CTTNBP2: variants seen among roughly 807,000 people sequenced by gnomAD.
CTTNBP2 encodes the protein cortactin binding protein 2, also known as cortactin-binding protein 2.
A neutral mutation model predicts 156.9 loss-of-function variants in CTTNBP2; 108 were observed. The ratio of observed to expected loss-of-function variants is 0.69; its 90% confidence interval spans 0.59 to 0.81. The LOEUF is 0.81. Ranked by LOEUF, CTTNBP2 falls within the 30% of genes least tolerant of loss-of-function variation. The probability of loss-of-function intolerance (pLI) is 0.00; values close to 1 mark genes in which losing one functional copy is unlikely to be tolerated. For missense variants in CTTNBP2, 1,924 were observed against 2,035.4 expected, an observed-to-expected ratio of 0.95 and a Z score of 1.05; for synonymous variants, 767 against 751.8, an observed-to-expected ratio of 1.02 and a Z score of -0.33.
chr7:117,719,695 C>A, intron 20 of CTTNBP2, 59 bp from the exon 21 acceptor site: 1 of 1,462,486 alleles, frequency 6.8e-7, no homozygotes, highest in Non-Finnish European at 9.4e-7. Context: ...ATTTGGAAAT[C>A]TAGACACTGT....
At chr7:117,748,351 T>A (rs564670437) in intron 12 of CTTNBP2, among the ~76,000 whole-genome samples, 1 of 152,352 alleles carries the variant, frequency 6.6e-6, no homozygotes, top group East Asian at 1.9e-4. Flanking sequence ...CCTTTTGATA[T>A]GCATAGTCAT....
chr7:117,738,905 T>G (rs531649119), intron 14 of CTTNBP2, among the ~76,000 whole-genome samples: 1 of 152,172 alleles, frequency 6.6e-6, no homozygotes. Flanking sequence ...AGTGACCTAA[T>G]ACATCTCACA....
intron 3 of CTTNBP2, among the ~76,000 whole-genome samples, chr7:117,795,219 T>C (rs966789131): frequency 6.6e-6 from 1 of 152,180 alleles, no homozygotes; most frequent in Non-Finnish European, 1.5e-5. Context: ...GTATATCTTA[T>C]TCACGTGGGA....
chr7:117,780,416 G>A (rs1347052081), intron 7 of CTTNBP2, 25 bp downstream of exon 7: 1 of 1,459,294 alleles, frequency 6.9e-7, no homozygotes, highest in Non-Finnish European at 9.1e-7. Flanking sequence ...TATATACAGG[G>A]GGAAAAAAAC....
chr7:117,795,318 T>C (rs1195770839), intron 3 of CTTNBP2, among the ~76,000 whole-genome samples: 1 of 152,210 alleles, frequency 6.6e-6, no homozygotes, highest in African/African-American at 2.4e-5. Flanking sequence ...AGAAGGCATA[T>C]GCAAAGTTAG....
intron 3 of CTTNBP2, among the ~76,000 whole-genome samples, chr7:117,799,961 C>G (rs535370052): frequency 6.6e-6 from 1 of 151,980 alleles, no homozygotes; most frequent in Non-Finnish European, 1.5e-5. Context: ...TCTAAGACCA[C>G]CACACTGATA....
intron 2 of CTTNBP2, among the ~76,000 whole-genome samples, chr7:117,833,917 A>G (rs1801772023): frequency 6.6e-6 from 1 of 152,244 alleles, no homozygotes; most frequent in Non-Finnish European, 1.5e-5. Flanking sequence ...CTGAAAGAAA[A>G]AAATGTTAAT....
At chr7:117,823,746 T>C (rs142841179) in intron 2 of CTTNBP2, among the ~76,000 whole-genome samples, 7 of 152,298 alleles carry the variant, frequency 4.6e-5, no homozygotes, top group Non-Finnish European at 1.0e-4. Context: ...TCACCCAGGC[T>C]GGAGTGCAAT....
At chr7:117,845,608 G>A (rs182030440) in intron 2 of CTTNBP2, among the ~76,000 whole-genome samples, 7 of 152,248 alleles carry the variant, frequency 4.6e-5, no homozygotes, top group African/African-American at 7.2e-5. Context: ...TTCTGGCTAC[G>A]CTAAATTCTA....
chr7:117,792,120 T>C lies in CTTNBP2; in HGVS notation c.1076A>G (p.Gln359Arg). The C allele has an allele frequency of 6.2e-7, 1 of 1,614,176 alleles. No homozygotes were observed. The highest frequency in any genetic ancestry group is 8.5e-7 in the Non-Finnish European group (1 of 1,180,022). ...ATMARPGIDR[Q>R]ASYGDLIGAS... is the part of the protein sequence containing the mutation. ...GCCAATCAAGTCACCATAGGAAGCC[T>C]GCCTGTCAATACCTGGTCTGGCCAT... Residue 359 changes from glutamine (Q) to arginine (R), a missense_variant, in exon 4 of 23, where the codon CAG becomes CGG. Physicochemically the swap from Gln to Arg is conservative, Grantham distance 43. Coordinates refer to ENST00000160373, the MANE Select transcript of CTTNBP2 (RefSeq NM_033427.3). This position sits in a 1 kb window ranked among gnomAD's most constrained non-coding sequence, Gnocchi z 4.2.
At chr7:117,712,514 T>A (rs1794114689) in intron 22 of CTTNBP2, 1 of 152,326 alleles carries the variant, frequency 6.6e-6, no homozygotes, top group East Asian at 1.9e-4. Context: ...TTCTGCAAAC[T>A]AACAAACATG....
intron 8 of CTTNBP2, among the ~76,000 whole-genome samples, chr7:117,776,925 T>A (rs1419780591): frequency 6.6e-6 from 1 of 152,230 alleles, no homozygotes; most frequent in Non-Finnish European, 1.5e-5. Flanking sequence ...TTCTAATATC[T>A]TATTATTGCT....
intron 2 of CTTNBP2, among the ~76,000 whole-genome samples, chr7:117,847,574 A>T (rs1584541317): frequency 6.6e-6 from 1 of 152,328 alleles, no homozygotes; most frequent in African/African-American, 2.4e-5. Flanking sequence ...ATTAGAGAAA[A>T]TAACTAGCCA....
intron 3 of CTTNBP2, among the ~76,000 whole-genome samples, chr7:117,799,815 T>C (rs1001635239): frequency 6.6e-6 from 1 of 152,086 alleles, no homozygotes; most frequent in African/African-American, 2.4e-5. Flanking sequence ...TATAGCAAGA[T>C]TACAGAATAC....
intron 2 of CTTNBP2, among the ~76,000 whole-genome samples, chr7:117,821,329 T>G (rs12535706): frequency 0.58 from 87,005 of 150,308 alleles, 25,060 homozygotes; most frequent in East Asian, 0.73. Context: ...GGCTGTGTGG[T>G]TTTTTTTTTG....
rs1427069229 is a variant in CTTNBP2 at position 117,735,391 on chromosome 7, C to A, written c.3566G>T (p.Ser1189Ile). 6 of 1,613,314 alleles carry A rather than the reference C, an allele frequency of 3.7e-6. No homozygotes were observed. The African/African-American group carries it at 5.3e-5, about 14-fold the overall frequency. Residue 1189 changes from serine to isoleucine, a missense_variant, in exon 15 of 23, where the codon AGT becomes ATT. Physicochemically the swap from Ser to Ile is moderately radical, Grantham distance 142. Coordinates refer to ENST00000160373, the MANE Select transcript of CTTNBP2 (RefSeq NM_033427.3). ...TAAAATGATGATGATTTTCTTCTTA[C>A]TGGGAGATTGTTTCACTGGGATCAG... is the stretch of plus-strand genomic sequence containing the variant. ...ACLIPVKQSP[S>I]KKKIIIILEN... is the part of the protein sequence containing the mutation.
At position 117,735,277 on chromosome 7, in the gene CTTNBP2, A is replaced by C; in HGVS notation, c.3680T>G (p.Phe1227Cys). The change falls in exon 15 of 23, where the codon TTC (phenylalanine) becomes TGC (cysteine). Residue 1227 changes from phenylalanine (F) to cysteine (C), a missense_variant. Physicochemically the swap from Phe to Cys is radical, Grantham distance 205. Coordinates refer to ENST00000160373, the MANE Select transcript of CTTNBP2 (RefSeq NM_033427.3). ...CCCTTTATTAGCGTTACCTTTTTGG[A>C]AAGTGCAGGGGCTTTCAGTGCTGCG... Reference protein sequence around the residue: ...ENRSTESPCTFQKGNGLSECY... With the variant: ...ENRSTESPCTCQKGNGLSECY... 6.2e-7 allele frequency: 1 copy of C among 1,611,720 alleles called. No homozygotes were observed. The highest frequency in any genetic ancestry group is 1.1e-5 in the South Asian group (1 of 90,132).
intron 2 of CTTNBP2, among the ~76,000 whole-genome samples, chr7:117,847,819 CTTTTTTTTTTTTTTTT>C (rs201419286): frequency 5.9e-4 from 54 of 91,348 alleles, no homozygotes; most frequent in East Asian, 1.6e-3. Context: ...TTTGCCTAAC[CTTTTTTTTTTTTTTTT>C]TTTTTTTTTT....
chr7:117,843,721 A>G (rs559398250), intron 2 of CTTNBP2, among the ~76,000 whole-genome samples: 2 of 152,196 alleles, frequency 1.3e-5, no homozygotes, highest in African/African-American at 2.4e-5. Flanking sequence ...TTTTAACAAG[A>G]TAACTCGATG....
Sources: gnomAD v4.1 joint callset for allele counts (sites outside exome capture counted in the v4.1 genomes callset) on GRCh38, gnomAD v4.1.1 for gene constraint, Gnocchi (gnomAD v3.1) non-coding constraint, MANE v1.5 for transcripts, NCBI Gene and HGNC (gene_info 2026-07-23, HGNC 2026-07-21) for gene names.